The following CLASP2 variants were observed in gnomAD, a reference collection of about 807,000 sequenced individuals.
The protein encoded by CLASP2 is CLIP-associating protein 2.
In CLASP2, 47 loss-of-function variants were observed where a neutral mutation model predicts 194.4. That is an observed-to-expected ratio of 0.24 (90% CI 0.19 to 0.31). CLASP2 has a LOEUF of 0.31. CLASP2 is among the 10% of genes least tolerant of loss of function. The probability of loss-of-function intolerance (pLI) is 1.00; values close to 1 mark genes in which losing one functional copy is unlikely to be tolerated. For synonymous variants in CLASP2, 619 were observed against 633.5 expected (o/e 0.98, Z 0.34); for missense variants, 1,445 against 1,823.6 (o/e 0.79, Z 3.78).
chr3:33,712,826 G>T (rs1020634856), intron 1 of CLASP2, among the ~76,000 whole-genome samples: 9 of 151,822 alleles, frequency 5.9e-5, no homozygotes, highest in Admixed American at 2.0e-4. Context: ...GCCGGGCATG[G>T]TGGTGCGTGC....
intron 12 of CLASP2, among the ~76,000 whole-genome samples, chr3:33,615,160 A>C (rs1358697040): frequency 6.6e-6 from 1 of 152,152 alleles, no homozygotes; most frequent in Non-Finnish European, 1.5e-5. Context: ...TCAATTAAAA[A>C]AAGGGAAGTG....
chr3:33,504,161 CA>C (rs1047349774), intron 37 of CLASP2: 5 of 152,110 alleles, frequency 3.3e-5, no homozygotes, highest in African/African-American at 9.7e-5. Context: ...CTGAGATGAA[CA>C]AAAGTTATTA....
chr3:33,509,627 T>C lies in CLASP2; in HGVS notation c.4317+931A>G, dbSNP rs115729679. On this transcript the variant is annotated intron_variant, in intron 37 of 38. Coordinates refer to ENST00000682230, the MANE Select transcript of CLASP2 (RefSeq NM_001365631.1). ...GACTAGAATAAAAAATACAATACTATAGATGCATAATGATTAGTTCTCTTT... is the reference window on the plus strand; with the variant it reads ...GACTAGAATAAAAAATACAATACTACAGATGCATAATGATTAGTTCTCTTT... Among the ~76,000 whole-genome samples the C allele has an allele frequency of 7.0e-3, 1,061 of 152,314 alleles. 13 individuals carry two copies. Among genetic ancestry groups the C allele is most frequent in the African/African-American group, 0.023 (967 of 41,570 alleles).
chr3:33,590,775 TTTCCTGA>T (rs1436567839), intron 21 of CLASP2, among the ~76,000 whole-genome samples: 4 of 152,208 alleles, frequency 2.6e-5, no homozygotes, highest in Non-Finnish European at 5.9e-5. Context: ...CCCCATTCTC[TTTCCTGA>T]TTTCAAAATT....
At chr3:33,686,499 A>T (rs1047927484) in intron 5 of CLASP2, among the ~76,000 whole-genome samples, 1 of 152,178 alleles carries the variant, frequency 6.6e-6, no homozygotes, top group African/African-American at 2.4e-5. Context: ...CCTTATGAGA[A>T]TCTAACTAAT....
In CLASP2 at chr3:33,718,163, GC is replaced by G; in HGVS notation, c.-162del. The G allele has an allele frequency of 1.7e-6, 1 of 588,600 alleles. No homozygotes were observed. The highest frequency in any genetic ancestry group is 2.7e-6 in the Non-Finnish European group (1 of 376,150). The allele number at this position is 588,600 out of a possible 1,614,324, so 36.5% of individuals were successfully genotyped here. On this transcript the variant is annotated 5_prime_UTR_variant, in exon 1 of 39. Coordinates refer to ENST00000682230, the MANE Select transcript of CLASP2 (RefSeq NM_001365631.1). ...GCGGGCGGCGGGAGGAACGCCAAGC[GC>G]CCAGCCGCCCCCAAACTAGTCAAAC...
intron 18 of CLASP2, among the ~76,000 whole-genome samples, chr3:33,601,121 G>C (rs2072036906): frequency 2.0e-5 from 3 of 151,946 alleles, no homozygotes; most frequent in African/African-American, 2.4e-5. Context: ...ACCACGCCCG[G>C]CTAGTTTTTT....
intron 21 of CLASP2, 87 bp from the exon 22 acceptor site, chr3:33,585,007 T>A: frequency 8.3e-7 from 1 of 1,197,872 alleles, no homozygotes; most frequent in South Asian, 1.7e-5. Context: ...ATATTGATAA[T>A]ACAGAGAAAA....
chr3:33,663,910 C>G (rs1244268365), intron 6 of CLASP2, among the ~76,000 whole-genome samples: 1 of 152,036 alleles, frequency 6.6e-6, no homozygotes, highest in African/African-American at 2.4e-5. Context: ...TTAAGGCAAA[C>G]ATACAAACAA....
intron 38 of CLASP2, among the ~76,000 whole-genome samples, chr3:33,500,447 T>C (rs1253549549): frequency 6.6e-6 from 1 of 152,224 alleles, no homozygotes; most frequent in African/African-American, 2.4e-5. Flanking sequence ...TTTTGGAAGG[T>C]TTGCTTTTTA....
chr3:33,549,516 T>C (rs1057068907), intron 30 of CLASP2, among the ~76,000 whole-genome samples: 2 of 152,112 alleles, frequency 1.3e-5, no homozygotes, highest in Non-Finnish European at 1.5e-5. Context: ...AGTGAGCTGT[T>C]TGTGGGTTTT....
At chr3:33,555,366 ATT>A (rs68163303) in intron 29 of CLASP2, among the ~76,000 whole-genome samples, 12,048 of 141,784 alleles carry the variant, frequency 0.085, 478 homozygotes, top group Admixed American at 0.11. Flanking sequence ...TAATATTCTG[ATT>A]TTTTTTTTTT....
intron 10 of CLASP2, 138 bp downstream of exon 10, chr3:33,626,850 T>C: frequency 3.4e-6 from 2 of 589,176 alleles, no homozygotes. Context: ...ATCAATATAT[T>C]CTCCAGAAAG....
intron 29 of CLASP2, among the ~76,000 whole-genome samples, chr3:33,556,618 G>C (rs896470669): frequency 6.6e-6 from 1 of 151,840 alleles, no homozygotes; most frequent in Non-Finnish European, 1.5e-5. Context: ...TGTATTTTTA[G>C]TAGAGACATG....
At chr3:33,633,530 A>G (rs530454460) in intron 8 of CLASP2, among the ~76,000 whole-genome samples, 2 of 152,276 alleles carry the variant, frequency 1.3e-5, no homozygotes, top group Non-Finnish European at 2.9e-5. Flanking sequence ...ACAAGAAGGC[A>G]AGAGTCACAG....
chr3:33,496,832 G>C lies in CLASP2; in HGVS notation c.*1799C>G, dbSNP rs901755254. On this transcript the variant is annotated 3_prime_UTR_variant, in exon 39 of 39. Transcript: ENST00000682230. Reference sequence around the variant, plus strand: ...GCTGTAATATATACATGCGTATGTAGCTATATACCTTTGATTGTGGTAGCT... The same window carrying C: ...GCTGTAATATATACATGCGTATGTACCTATATACCTTTGATTGTGGTAGCT... 3.3e-5 allele frequency: 5 copies of C among 152,190 alleles called. No individual in the cohort carries two copies. Among genetic ancestry groups the C allele is most frequent in the African/African-American group, 1.2e-4 (5 of 41,426 alleles). The allele number at this position is 152,190 out of a possible 1,614,324, so 9.4% of individuals were successfully genotyped here. A position where few individuals can be genotyped will look rare whatever the true frequency, so the allele number is the denominator to read the frequency against.
chr3:33,702,476 C>T (rs865958278), intron 1 of CLASP2, among the ~76,000 whole-genome samples: 1 of 152,088 alleles, frequency 6.6e-6, no homozygotes, highest in Non-Finnish European at 1.5e-5. Context: ...GAATCATAAA[C>T]CTAAATGTAA....
intron 37 of CLASP2, among the ~76,000 whole-genome samples, chr3:33,505,729 C>T (rs1476373425): frequency 1.3e-5 from 2 of 152,208 alleles, no homozygotes; most frequent in Non-Finnish European, 2.9e-5. Flanking sequence ...GACAACTAGA[C>T]ATTATGTGTC....
rs535724828 is a variant in CLASP2 at position 33,520,188 on chromosome 3, T to C, written c.3788-3014A>G. On this transcript the variant is annotated intron_variant, in intron 34 of 38. Transcript: ENST00000682230. ...GCTACCACGCCCAGCTAATTTTTGT[T>C]AGAGATGGGGTTTCATCATATTGGC... Among the ~76,000 whole-genome samples the C allele has an allele frequency of 5.3e-5, 8 of 152,088 alleles. No individual in the cohort carries two copies. The East Asian group carries it at 1.5e-3, about 29-fold the overall frequency.
Sources: allele counts gnomAD v4.1 joint callset (sites outside exome capture counted in the v4.1 genomes callset), GRCh38; gene constraint gnomAD v4.1.1; transcripts MANE v1.5; gene names NCBI Gene and HGNC (gene_info 2026-07-23, HGNC 2026-07-21).